Variants in PTCHD4 observed in about 807,000 individuals in gnomAD.
The protein encoded by PTCHD4 is patched domain containing 4.
A neutral mutation model predicts 58.1 loss-of-function variants in PTCHD4; 33 were observed. The ratio of observed to expected loss-of-function variants is 0.57; its 90% CI spans 0.43 to 0.76. PTCHD4 has a LOEUF of 0.76. Among genes scored for constraint, PTCHD4 ranks in the 30% least tolerant of loss-of-function variants. PTCHD4 has a pLI of 0.00. For missense variants in PTCHD4, 1,058 were observed against 1,027.1 expected, an observed-to-expected ratio of 1.03 and a Z score of -0.41; for synonymous variants, 478 against 409.6, an observed-to-expected ratio of 1.17 and a Z score of -2.02.
At chr6:47,922,231 C>A (rs1337957037) in intron 4 of PTCHD4, among the ~76,000 whole-genome samples, 2 of 152,144 alleles carry the variant, frequency 1.3e-5, no homozygotes, top group Admixed American at 1.3e-4. Flanking sequence ...TTTTCATTTT[C>A]AACTGAACAC....
intron 3 of PTCHD4, among the ~76,000 whole-genome samples, chr6:48,052,832 T>C (rs1764278659): frequency 6.6e-6 from 1 of 152,074 alleles, no homozygotes; most frequent in African/African-American, 2.4e-5. Flanking sequence ...TCATATTAAC[T>C]GAGAAAACAT....
At chr6:47,968,603 T>C (rs1322858048) in intron 4 of PTCHD4, among the ~76,000 whole-genome samples, 2 of 152,192 alleles carry the variant, frequency 1.3e-5, no homozygotes, top group African/African-American at 4.8e-5. Context: ...TCTAGCCTAA[T>C]GAACTAGGTG....
chr6:47,979,895 A>T (rs563067127), intron 4 of PTCHD4, among the ~76,000 whole-genome samples: 2 of 152,108 alleles, frequency 1.3e-5, no homozygotes, highest in South Asian at 2.1e-4. Context: ...TGTATTTTTG[A>T]TGGCCATAGA....
chr6:48,105,100 A>T (rs1765690845), intron 1 of PTCHD4, among the ~76,000 whole-genome samples: 1 of 152,188 alleles, frequency 6.6e-6, no homozygotes, highest in African/African-American at 2.4e-5. Flanking sequence ...CACCAAGCAG[A>T]CCTAATAGAC....
intron 4 of PTCHD4, among the ~76,000 whole-genome samples, chr6:47,994,478 A>G (rs907006068): frequency 7.2e-5 from 11 of 152,218 alleles, no homozygotes; most frequent in African/African-American, 2.2e-4. Context: ...GGAAGTGATG[A>G]TAGGCATGTA....
chr6:47,931,151 C>T (rs1207307316), intron 4 of PTCHD4, among the ~76,000 whole-genome samples: 1 of 152,246 alleles, frequency 6.6e-6, no homozygotes, highest in Non-Finnish European at 1.5e-5. Flanking sequence ...GTTCATTAAT[C>T]CACCCAAAGC....
intron 1 of PTCHD4, among the ~76,000 whole-genome samples, chr6:48,074,670 T>C (rs111613047): frequency 0.011 from 1,720 of 152,094 alleles, 26 homozygotes; most frequent in African/African-American, 0.039. Context: ...GCAGAGTTTG[T>C]TTTGTTTTGT....
At chr6:47,995,857 C>A (rs77553921) in intron 4 of PTCHD4, among the ~76,000 whole-genome samples, 1 of 152,124 alleles carries the variant, frequency 6.6e-6, no homozygotes, top group African/African-American at 2.4e-5. Flanking sequence ...CGTGCAGCCA[C>A]CCATGCTATG....
chr6:48,008,603 G>T, intron 4 of PTCHD4, 31 bp downstream of exon 4: 1 of 1,597,714 alleles, frequency 6.3e-7, no homozygotes, highest in South Asian at 1.1e-5. Context: ...AAACCGGTAA[G>T]AATCCGATTA....
intron 4 of PTCHD4, among the ~76,000 whole-genome samples, chr6:47,963,734 T>C (rs1368035174): frequency 1.3e-5 from 2 of 152,202 alleles, no homozygotes; most frequent in African/African-American, 4.8e-5. Flanking sequence ...AACCACTTTA[T>C]TGCCAAAAAA....
chr6:47,966,289 C>G (rs1397200583), intron 4 of PTCHD4, among the ~76,000 whole-genome samples: 1 of 151,970 alleles, frequency 6.6e-6, no homozygotes, highest in Non-Finnish European at 1.5e-5. Context: ...TATGTTTGCA[C>G]TATACTATAG....
rs567752312 is a variant in PTCHD4 at position 48,104,380 on chromosome 6, A to C, written c.-970+6669T>G. 9.5e-3 allele frequency among the ~76,000 whole-genome samples: 1,449 copies of C among 152,294 alleles called. 29 individuals are homozygous for C. The highest frequency in any genetic ancestry group is 0.033 in the African/African-American group (1,369 of 41,554). ...TTCATAAGTGAAGGAGAAATAAAAT[A>C]CTTTACAGACAAGCAAATGCTGAGA... On this transcript the variant is annotated intron_variant, in intron 1 of 4. Coordinates refer to ENST00000339488, the MANE Select transcript of PTCHD4 (RefSeq NM_001384253.1).
chr6:47,939,775 A>G (rs1036159786), intron 4 of PTCHD4, among the ~76,000 whole-genome samples: 2 of 152,118 alleles, frequency 1.3e-5, no homozygotes, highest in Non-Finnish European at 2.9e-5. Context: ...CGTGATGCTC[A>G]CTAATCTCAC....
chr6:48,098,065 T>C (rs1765511307), intron 1 of PTCHD4, among the ~76,000 whole-genome samples: 1 of 152,140 alleles, frequency 6.6e-6, no homozygotes. Flanking sequence ...CCCATATCCC[T>C]TTTTAGTGTT....
chr6:48,086,175 G>C (rs1765260149), intron 1 of PTCHD4, among the ~76,000 whole-genome samples: 1 of 152,212 alleles, frequency 6.6e-6, no homozygotes, highest in Non-Finnish European at 1.5e-5. Context: ...CTCTGATGTA[G>C]TGGTGTGAAA....
intron 4 of PTCHD4, among the ~76,000 whole-genome samples, chr6:48,006,027 C>T (rs565312491): frequency 4.4e-4 from 67 of 152,228 alleles, no homozygotes; most frequent in African/African-American, 1.6e-3. Context: ...CAAACAAATG[C>T]CCCCTTTATG....
At chr6:47,919,769 C>G (rs186496811) in intron 4 of PTCHD4, among the ~76,000 whole-genome samples, 1 of 151,626 alleles carries the variant, frequency 6.6e-6, no homozygotes, top group South Asian at 2.1e-4. Flanking sequence ...ATTCTGTTGT[C>G]GAAGCAGGAT....
intron 4 of PTCHD4, among the ~76,000 whole-genome samples, chr6:47,995,214 TG>T (rs1246119153): frequency 3.5e-4 from 54 of 152,282 alleles, no homozygotes; most frequent in African/African-American, 1.3e-3. Context: ...TGATTCATCT[TG>T]GCAAAAGTTT....
Position 48,068,334 on chromosome 6 carries a change from G to T in PTCHD4, c.313C>A (p.Pro105Thr). The stretch of plus-strand genomic sequence containing the variant: ...AGGATCACCCTGCCATACCTCCCAG[G>T]GGTGTGTAAGTCCGAATAGAGCTGG... ...KSQLYSDLHT[P>T]GRYGRVILLS... The change falls in exon 3 of 5, where the codon CCT becomes ACT. Residue 105 changes from proline (P) to threonine (T), a missense_variant. Pro to Thr is a conservative substitution (Grantham distance 38). Coordinates refer to ENST00000339488, the MANE Select transcript of PTCHD4 (RefSeq NM_001384253.1). This position sits in a 1 kb window ranked among gnomAD's most constrained non-coding sequence, Gnocchi z 4.2. 2 of 1,613,968 alleles carry T rather than the reference G, an allele frequency of 1.2e-6. No homozygotes were observed. Among genetic ancestry groups the T allele is most frequent in the Non-Finnish European group, 1.7e-6 (2 of 1,179,868 alleles).
Sources: allele counts gnomAD v4.1 joint callset (sites outside exome capture counted in the v4.1 genomes callset), GRCh38; gene constraint gnomAD v4.1.1; non-coding constraint Gnocchi (gnomAD v3.1); transcripts MANE v1.5; gene names NCBI Gene and HGNC (gene_info 2026-07-23, HGNC 2026-07-21).